Variants in MYCBP2 observed in about 807,000 individuals in gnomAD.
MYCBP2 encodes E3 ubiquitin-protein ligase MYCBP2.
A neutral mutation model predicts 525.3 loss-of-function variants in MYCBP2; 120 were observed. The observed-to-expected ratio is 0.23, with a 90% CI of 0.20 to 0.27. MYCBP2 has a LOEUF of 0.27. Among genes scored for constraint, MYCBP2 ranks in the 10% least tolerant of loss-of-function variants. The pLI is 1.00. For synonymous variants in MYCBP2, 1,894 were observed against 1,955.8 expected, an observed-to-expected ratio of 0.97 and a Z score of 0.83; for missense variants, 4,149 against 5,657.1, an observed-to-expected ratio of 0.73 and a Z score of 8.55.
At chr13:77,322,481 C>A (rs979252747) in intron 1 of MYCBP2, among the ~76,000 whole-genome samples, 9 of 152,098 alleles carry the variant, frequency 5.9e-5, no homozygotes, top group Non-Finnish European at 1.0e-4. Flanking sequence ...TTTCTTTAAC[C>A]CTAAATCAAC....
chr13:77,320,270 C>G (rs2081431591), intron 1 of MYCBP2, among the ~76,000 whole-genome samples: 2 of 152,148 alleles, frequency 1.3e-5, no homozygotes, highest in African/African-American at 2.4e-5. Flanking sequence ...TTGCCAAGAG[C>G]TAGGGGAACA....
At chr13:77,140,797 C>T in intron 50 of MYCBP2, 49 bp downstream of exon 50, 1 of 1,383,372 alleles carries the variant, frequency 7.2e-7, no homozygotes, top group Non-Finnish European at 1.0e-6. Flanking sequence ...GCATCAGTGA[C>T]AAACGTAAAA....
At chr13:77,218,781 T>C (rs1402585524) in intron 20 of MYCBP2, among the ~76,000 whole-genome samples, 1 of 152,202 alleles carries the variant, frequency 6.6e-6, no homozygotes, top group Non-Finnish European at 1.5e-5. Context: ...GTAACCATTA[T>C]CTGTAATTAG....
chr13:77,139,184 C>T lies in MYCBP2; in HGVS notation c.7659+12G>A, dbSNP rs1340664737. On this transcript the variant is annotated intron_variant, in intron 52 of 82. Transcript: ENST00000544440. ...GTATCTATAATGCTTTTTAAAACCA[C>T]CTTTTACTTACGTCAACAGGGACCA... 35 of 1,610,542 alleles carry T rather than the reference C, an allele frequency of 2.2e-5. No homozygotes were observed. Among genetic ancestry groups the T allele is most frequent in the Admixed American group, 3.4e-5 (2 of 59,556 alleles).
intron 4 of MYCBP2, among the ~76,000 whole-genome samples, chr13:77,276,421 G>GTA (rs2154349273): frequency 6.6e-6 from 1 of 152,128 alleles, no homozygotes; most frequent in East Asian, 1.9e-4. Context: ...AAGAAATTTA[G>GTA]TATAAAAGAA....
At chr13:77,046,494 A>C (rs1389235187) in intron 82 of MYCBP2, among the ~76,000 whole-genome samples, 1 of 152,222 alleles carries the variant, frequency 6.6e-6, no homozygotes, top group Non-Finnish European at 1.5e-5. Context: ...AGGTTTAAAA[A>C]CATTTCTGAC....
chr13:77,103,090 ATAAACT>A (rs1300255613), intron 55 of MYCBP2: 2 of 392,092 alleles, frequency 5.1e-6, no homozygotes, highest in Non-Finnish European at 9.0e-6. Context: ...AAATAAAATG[ATAAACT>A]TTAATTAAAA....
At chr13:77,202,099 G>T (rs2062664849) in intron 26 of MYCBP2, among the ~76,000 whole-genome samples, 2 of 152,068 alleles carry the variant, frequency 1.3e-5, no homozygotes, top group South Asian at 4.1e-4. Flanking sequence ...AATGAATCCA[G>T]GAGCTGGTTT....
rs1017794671 is a variant in MYCBP2, at chr13:77,205,684, T to G, written c.3590-86A>C. ...GACATTAAATGCTATAGGGGATAAA[T>G]TAAAATAAATAAACTCAGAATGTTA... On this transcript the variant is annotated intron_variant, in intron 24 of 82. Coordinates refer to ENST00000544440, the MANE Select transcript of MYCBP2 (RefSeq NM_015057.5). 8 of 1,130,930 alleles carry G rather than the reference T, an allele frequency of 7.1e-6. No homozygotes were observed. The African/African-American group carries it at 1.3e-4, about 18-fold the overall frequency. The allele number at this position is 1,130,930 out of a possible 1,614,324, so 70.1% of individuals were successfully genotyped here. A position where few individuals can be genotyped will look rare whatever the true frequency, so the allele number is the denominator to read the frequency against.
At chr13:77,130,147 G>A (rs2052493645) in intron 52 of MYCBP2, among the ~76,000 whole-genome samples, 1 of 151,586 alleles carries the variant, frequency 6.6e-6, no homozygotes, top group East Asian at 1.9e-4. Context: ...AGTAGCAATT[G>A]CACAATTTTA....
chr13:77,264,348 G>A (rs2073777024), intron 8 of MYCBP2, among the ~76,000 whole-genome samples: 1 of 152,044 alleles, frequency 6.6e-6, no homozygotes, highest in Non-Finnish European at 1.5e-5. Context: ...ATGCAATGGA[G>A]GCAACACTCT....
In MYCBP2 at chr13:77,096,361, C is replaced by T. The variant is rs539089031; in HGVS notation, c.9905G>A (p.Arg3302His). The change falls in exon 57 of 83, where the codon CGC becomes CAC. Residue 3302 changes from arginine (R) to histidine (H), a missense_variant. Transcript: ENST00000544440. ...TTCGCGGAGGTATTTTTCTCTACAG[C>T]GATCACATACCAGATACCAAGTGCT... ...GGSTWYLVCD[R>H]CREKYLREKQ... 8.4e-5 allele frequency: 135 copies of T among 1,613,360 alleles called. No individual in the cohort carries two copies. The South Asian group carries it at 1.1e-3, about 13-fold the overall frequency.
chr13:77,251,079 G>T, intron 15 of MYCBP2, 72 bp downstream of exon 15: 1 of 1,413,912 alleles, frequency 7.1e-7, no homozygotes, highest in Non-Finnish European at 9.8e-7. Flanking sequence ...TAATAGTAGA[G>T]TATACTCCGG....
chr13:77,312,873 T>A (rs542527787), intron 1 of MYCBP2, among the ~76,000 whole-genome samples: 1 of 152,028 alleles, frequency 6.6e-6, no homozygotes, highest in East Asian at 1.9e-4. Flanking sequence ...AGGAGAAACT[T>A]TAAATATAAA....
intron 1 of MYCBP2, among the ~76,000 whole-genome samples, chr13:77,324,645 T>C (rs1453945427): frequency 6.6e-6 from 1 of 152,228 alleles, no homozygotes; most frequent in Non-Finnish European, 1.5e-5. Flanking sequence ...TAATTCTTCA[T>C]TACTTTTCAT....
chr13:77,258,982 C>T (rs1029142021), intron 13 of MYCBP2, among the ~76,000 whole-genome samples: 7 of 152,106 alleles, frequency 4.6e-5, no homozygotes, highest in African/African-American at 7.2e-5. Context: ...GGGCCATGCG[C>T]GGTGGCTCAC....
chr13:77,101,694 T>C (rs1446250819), intron 55 of MYCBP2, among the ~76,000 whole-genome samples: 1 of 152,072 alleles, frequency 6.6e-6, no homozygotes, highest in South Asian at 2.1e-4. Context: ...CTTTTTCAGA[T>C]GTATTTCTCA....
Position 77,059,593 on chromosome 13 carries a change from C to T in MYCBP2, c.13070G>A (p.Arg4357His). 2.5e-6 allele frequency: 4 copies of T among 1,614,060 alleles called. No individual in the cohort carries two copies. Among genetic ancestry groups the T allele is most frequent in the Non-Finnish European group, 3.4e-6 (4 of 1,179,964 alleles). ...KPTTSSSEAC[R>H]FCGSRSGTEL... The stretch of plus-strand genomic sequence containing the variant: ...TGTTCCACTCCTGGAACCACAGAAG[C>T]GACATGCTTCTGAGCTACTCGTGGT... The change falls in exon 77 of 83, where the codon CGC becomes CAC. Residue 4357 changes from arginine to histidine, a missense_variant. Physicochemically the swap from Arg to His is conservative, Grantham distance 29. Around this residue, in one of 21 missense-constraint regions of MYCBP2, gnomAD observed 220 missense variants for 396.0 expected, o/e 0.56. Transcript: ENST00000544440.
At chr13:77,258,003 A>G (rs1458530450) in intron 13 of MYCBP2, among the ~76,000 whole-genome samples, 174 bp from the exon 14 acceptor site, 8 of 152,194 alleles carry the variant, frequency 5.3e-5, no homozygotes, top group Non-Finnish European at 1.0e-4. Flanking sequence ...TAACTTTGTA[A>G]CGTAGCTTCA....
Sources: gnomAD v4.1 joint callset for allele counts (sites outside exome capture counted in the v4.1 genomes callset) on GRCh38, gnomAD v4.1.1 for gene constraint, gnomAD v4.1.1 regional missense constraint, MANE v1.5 for transcripts, NCBI Gene and HGNC (gene_info 2026-07-23, HGNC 2026-07-21) for gene names.